The following WASF1 variants were observed in gnomAD, a reference collection of about 807,000 sequenced individuals.
The protein encoded by WASF1 is actin-binding protein WASF1.
Under a neutral mutation model 50.5 loss-of-function variants are expected in WASF1, and 7 were observed. The ratio of observed to expected loss-of-function variants is 0.14; its 90% confidence interval spans 0.08 to 0.26. The LOEUF (loss-of-function observed/expected upper bound fraction) is 0.26, where lower values mean the gene tolerates loss of function less well. WASF1 is among the 10% of genes least tolerant of loss of function. The probability of loss-of-function intolerance (pLI) is 1.00; values close to 1 mark genes in which losing one functional copy is unlikely to be tolerated. For missense variants in WASF1, 470 were observed against 694.7 expected, an observed-to-expected ratio of 0.68 and a Z score of 3.64; for synonymous variants, 205 against 244.0, an observed-to-expected ratio of 0.84 and a Z score of 1.49.
At chr6:110,171,625 GGACTTCATGACTAATACACCAAA>G (rs1432301806) in intron 2 of WASF1, among the ~76,000 whole-genome samples, 32 of 152,092 alleles carry the variant, frequency 2.1e-4, no homozygotes, top group African/African-American at 7.7e-4. Context: ...GCATGGGCAA[GGACTTCATGACTAATACACCAAA>G]AGCAATGGCA....
chr6:110,165,067 A>C (rs1776418630), intron 2 of WASF1, among the ~76,000 whole-genome samples: 1 of 151,594 alleles, frequency 6.6e-6, no homozygotes, highest in African/African-American at 2.4e-5. Context: ...CAGAGTACAG[A>C]TTTTTGGGCA....
At chr6:110,176,918 G>A (rs1776952564) in intron 2 of WASF1, among the ~76,000 whole-genome samples, 1 of 152,092 alleles carries the variant, frequency 6.6e-6, no homozygotes, top group Non-Finnish European at 1.5e-5. Context: ...CAAAAGCACT[G>A]TTTTGGTAAA....
At chr6:110,164,719 A>T (rs983514137) in intron 2 of WASF1, among the ~76,000 whole-genome samples, 1 of 151,596 alleles carries the variant, frequency 6.6e-6, no homozygotes, top group Non-Finnish European at 1.5e-5. Flanking sequence ...AAGAGGTGAA[A>T]ACTTACACCC....
At position 110,105,387 on chromosome 6, in the gene WASF1, AAAAAC is replaced by A; in HGVS notation, c.713+15_713+19del. The A allele has an allele frequency of 6.3e-7, 1 of 1,577,844 alleles. No individual in the cohort carries two copies. The highest frequency in any genetic ancestry group is 8.6e-7 in the Non-Finnish European group (1 of 1,167,302). ...AGCCAATGTTTTATCATTTAAAAAAAAAAACAAAAGTAAAGAAACCTTGTTTCAAA... is the reference window on the plus strand; with the variant it reads ...AGCCAATGTTTTATCATTTAAAAAAAAAAAGTAAAGAAACCTTGTTTCAAA... On this transcript the variant is annotated intron_variant, in intron 8 of 10. Transcript: ENST00000392589.
At chr6:110,116,474 C>T (rs1024583327) in intron 4 of WASF1, among the ~76,000 whole-genome samples, 14 of 152,214 alleles carry the variant, frequency 9.2e-5, no homozygotes, top group African/African-American at 1.4e-4. Context: ...TGCAGCTTGA[C>T]GGGGGAGGGG....
Position 110,158,498 on chromosome 6 carries a change from A to G in WASF1, c.-29+2137T>C, listed in dbSNP as rs969839102. Among the ~76,000 whole-genome samples, 12 of 130,758 alleles carry G rather than the reference A, an allele frequency of 9.2e-5. 3 individuals carry two copies. Among genetic ancestry groups the G allele is most frequent in the African/African-American group, 3.6e-4 (11 of 30,226 alleles). The allele number at this position is 130,758 out of a possible 152,430, so 85.8% of individuals were successfully genotyped here. ...GTCTATCAATTTTGTTGATCCTTTC[A>G]AAAAACCAGCTCCTGGATTCATTGA... On this transcript the variant is annotated intron_variant, in intron 3 of 10. Transcript: ENST00000392589.
At chr6:110,171,950 C>T (rs1052298798) in intron 2 of WASF1, among the ~76,000 whole-genome samples, 1 of 152,190 alleles carries the variant, frequency 6.6e-6, no homozygotes, top group Non-Finnish European at 1.5e-5. Context: ...CACCACTGGT[C>T]ACTAAAGAAA....
intron 5 of WASF1, among the ~76,000 whole-genome samples, chr6:110,113,109 T>G (rs1773641859): frequency 6.6e-6 from 1 of 152,044 alleles, no homozygotes; most frequent in South Asian, 2.1e-4. Context: ...CTGTTTAGTG[T>G]ACAAAAAGAA....
chr6:110,100,902 GTTTA>G (rs1339604731), intron 10 of WASF1, among the ~76,000 whole-genome samples: 1 of 152,138 alleles, frequency 6.6e-6, no homozygotes, highest in African/African-American at 2.4e-5. Context: ...GGTATCTACA[GTTTA>G]TTTATCCATC....
rs780599034 is a variant in WASF1 at position 110,102,199 on chromosome 6, A to T, written c.911T>A (p.Ile304Lys). 28 of 1,417,312 alleles carry T rather than the reference A, an allele frequency of 2.0e-5. No individual in the cohort carries two copies. Among genetic ancestry groups the T allele is most frequent in the Non-Finnish European group, 2.5e-5 (27 of 1,082,348 alleles). The allele number at this position is 1,417,312 out of a possible 1,614,324, so 87.8% of individuals were successfully genotyped here. The change falls in exon 10 of 11, where the codon ATA becomes AAA. Residue 304 changes from isoleucine (I) to lysine (K), a missense_variant. Ile to Lys is a moderately radical substitution (Grantham distance 102). Around this residue, in one of 3 missense-constraint regions of WASF1, gnomAD observed 294 missense variants for 343.5 expected, o/e 0.86. Coordinates refer to ENST00000392589, the MANE Select transcript of WASF1 (RefSeq NM_003931.3). Reference protein sequence around the residue: ...PTCISSATGLIENRPQSPATG... With the variant: ...PTCISSATGLKENRPQSPATG... ...AGCTGGTGACTGAGGGCGATTTTCT[A>T]TCAAACCTGTAGCAGAACTGAAATG...
chr6:110,138,184 G>A (rs941115802), intron 3 of WASF1, among the ~76,000 whole-genome samples: 1 of 152,254 alleles, frequency 6.6e-6, no homozygotes, highest in African/African-American at 2.4e-5. Context: ...GCTGGCACAG[G>A]TGTTGGCTCC....
chr6:110,154,059 G>C (rs1455142570), intron 3 of WASF1, among the ~76,000 whole-genome samples: 1 of 152,082 alleles, frequency 6.6e-6, no homozygotes, highest in Non-Finnish European at 1.5e-5. Context: ...TTCAGGAGAA[G>C]TTGTGAACTC....
Position 110,153,684 on chromosome 6 carries a change from G to A in WASF1, c.-29+6951C>T, listed in dbSNP as rs149674675. On this transcript the variant is annotated intron_variant, in intron 3 of 10. Transcript: ENST00000392589. The stretch of plus-strand genomic sequence containing the variant: ...TTTGGGAGGCTGAGGTGGGAGGATC[G>A]CTTGAGCTCAGAAGTTCGAGACCAG... Among the ~76,000 whole-genome samples the A allele has an allele frequency of 2.0e-3, 303 of 151,926 alleles. 2 individuals are homozygous for A. The highest frequency in any genetic ancestry group is 7.1e-3 in the African/African-American group (295 of 41,436).
At chr6:110,120,483 TG>T (rs1363259075) in intron 4 of WASF1, among the ~76,000 whole-genome samples, 1 of 152,156 alleles carries the variant, frequency 6.6e-6, no homozygotes, top group Admixed American at 6.5e-5. Flanking sequence ...TTACAAGGGA[TG>T]TGAAGGACCT....
chr6:110,102,319 T>C (rs1172052591), intron 9 of WASF1, 103 bp from the exon 10 acceptor site: 1 of 1,204,662 alleles, frequency 8.3e-7, no homozygotes, highest in Non-Finnish European at 1.1e-6. Flanking sequence ...TATATCAAAA[T>C]GGATCCAATA....
chr6:110,172,797 T>C (rs1229434602), intron 2 of WASF1, among the ~76,000 whole-genome samples: 1 of 152,010 alleles, frequency 6.6e-6, no homozygotes, highest in Non-Finnish European at 1.5e-5. Flanking sequence ...GAAGGATAGA[T>C]GGTGGGTGAG....
intron 3 of WASF1, among the ~76,000 whole-genome samples, chr6:110,132,823 A>G (rs1485767632): frequency 6.6e-6 from 1 of 151,754 alleles, no homozygotes; most frequent in Non-Finnish European, 1.5e-5. Context: ...CACTTACAGT[A>G]ATAGTCTCCA....
At chr6:110,148,151 CA>C (rs1208868888) in intron 3 of WASF1, among the ~76,000 whole-genome samples, 1 of 152,156 alleles carries the variant, frequency 6.6e-6, no homozygotes, top group African/African-American at 2.4e-5. Context: ...TTGTCTTCTT[CA>C]TATTGCAAGT....
At chr6:110,114,055 T>C (rs538377939) in intron 4 of WASF1, among the ~76,000 whole-genome samples, 84 of 152,214 alleles carry the variant, frequency 5.5e-4, no homozygotes, top group Non-Finnish European at 1.0e-3. Context: ...TAATACTGTA[T>C]TACTGTAACA....
Sources: gnomAD v4.1 joint callset for allele counts (sites outside exome capture counted in the v4.1 genomes callset) on GRCh38, gnomAD v4.1.1 for gene constraint, gnomAD v4.1.1 regional missense constraint, MANE v1.5 for transcripts, NCBI Gene and HGNC (gene_info 2026-07-23, HGNC 2026-07-21) for gene names.